The following CBLB variants were observed in gnomAD, a reference collection of about 807,000 sequenced individuals.
CBLB encodes E3 ubiquitin-protein ligase CBL-B.
In CBLB, 31 loss-of-function variants were observed where a neutral mutation model predicts 104.9. That is an observed-to-expected ratio of 0.30 (90% CI 0.22 to 0.40). The LOEUF (loss-of-function observed/expected upper bound fraction) is 0.40. Among genes scored for constraint, CBLB ranks in the 10% least tolerant of loss-of-function variants. The probability of loss-of-function intolerance (pLI) is 1.00; values close to 1 mark genes in which losing one functional copy is unlikely to be tolerated. For missense variants in CBLB, 1,062 were observed against 1,214.6 expected (o/e 0.87, Z 1.87); for synonymous variants, 440 against 422.6 (o/e 1.04, Z -0.51).
intron 3 of CBLB, among the ~76,000 whole-genome samples, chr3:105,788,841 C>A (rs1015033508): frequency 6.6e-6 from 1 of 152,140 alleles, no homozygotes; most frequent in African/African-American, 2.4e-5. Context: ...TGAGGCTAGG[C>A]ATTACAAAGT....
intron 10 of CBLB, 80 bp downstream of exon 10, chr3:105,719,967 G>A (rs1482227462): frequency 1.9e-6 from 2 of 1,074,812 alleles, no homozygotes; most frequent in Non-Finnish European, 2.9e-6. Flanking sequence ...AATACGCTGA[G>A]TCATACTCCA....
chr3:105,813,586 A>G (rs2084600289), intron 3 of CBLB, among the ~76,000 whole-genome samples: 1 of 152,136 alleles, frequency 6.6e-6, no homozygotes, highest in Non-Finnish European at 1.5e-5. Context: ...CTGGAAAGAA[A>G]ATAAAAATTA....
intron 2 of CBLB, among the ~76,000 whole-genome samples, chr3:105,856,348 CAAAAAAAAAAAAA>C (rs1169479720): frequency 3.2e-5 from 1 of 31,104 alleles, no homozygotes; most frequent in Non-Finnish European, 6.6e-5. Flanking sequence ...GACTCCATCT[CAAAAAAAAAAAAA>C]AAAAAAAGAA....
chr3:105,798,561 C>T (rs1364865068), intron 3 of CBLB, among the ~76,000 whole-genome samples: 2 of 152,126 alleles, frequency 1.3e-5, no homozygotes, highest in Non-Finnish European at 2.9e-5. Context: ...ATCATACAGA[C>T]CACAACAGAA....
intron 18 of CBLB, among the ~76,000 whole-genome samples, chr3:105,662,902 C>T (rs1276549814): frequency 1.3e-5 from 2 of 152,146 alleles, no homozygotes; most frequent in Non-Finnish European, 2.9e-5. Flanking sequence ...ATCAATACTA[C>T]AGTTACTATA....
chr3:105,779,180 A>C (rs190054112), intron 3 of CBLB, among the ~76,000 whole-genome samples: 2 of 152,158 alleles, frequency 1.3e-5, no homozygotes, highest in Non-Finnish European at 2.9e-5. Context: ...TACTTGTTAG[A>C]TCTAAAGTCT....
intron 3 of CBLB, among the ~76,000 whole-genome samples, chr3:105,777,513 A>C (rs1372121747): frequency 6.6e-6 from 1 of 152,198 alleles, no homozygotes; most frequent in Non-Finnish European, 1.5e-5. Context: ...CTATAGCCCC[A>C]GTTATTAGGG....
chr3:105,703,853 A>T, intron 11 of CBLB, 135 bp downstream of exon 11: 1 of 774,112 alleles, frequency 1.3e-6, no homozygotes, highest in Admixed American at 2.2e-5. Flanking sequence ...GCTCACCATA[A>T]ACTAAACGAG....
At chr3:105,829,072 ACAAT>A in intron 3 of CBLB, among the ~76,000 whole-genome samples, 1 of 152,202 alleles carries the variant, frequency 6.6e-6, no homozygotes, top group Middle Eastern at 3.4e-3. Context: ...AAATTCATTA[ACAAT>A]CAATTTTGTT....
At chr3:105,839,121 C>T (rs2089133563) in intron 3 of CBLB, among the ~76,000 whole-genome samples, 1 of 152,170 alleles carries the variant, frequency 6.6e-6, no homozygotes, top group African/African-American at 2.4e-5. Context: ...ACTGCTAGGG[C>T]ACTCTTTACC....
chr3:105,727,783 C>T (rs967679105), intron 9 of CBLB, among the ~76,000 whole-genome samples: 1 of 152,098 alleles, frequency 6.6e-6, no homozygotes, highest in Non-Finnish European at 1.5e-5. Context: ...TTCCCAACAC[C>T]GTTTATTAAA....
intron 3 of CBLB, among the ~76,000 whole-genome samples, chr3:105,807,230 C>T (rs942137259): frequency 3.9e-5 from 6 of 152,170 alleles, no homozygotes; most frequent in Non-Finnish European, 8.8e-5. Context: ...AGATTAGTCA[C>T]TTATTTTCTT....
At chr3:105,755,275 G>T (rs192884387) in intron 4 of CBLB, among the ~76,000 whole-genome samples, 5 of 151,934 alleles carry the variant, frequency 3.3e-5, no homozygotes, top group Admixed American at 1.3e-4. Context: ...GAGAATATGC[G>T]GTGGAAAAAC....
chr3:105,809,627 G>A (rs2061175083), intron 3 of CBLB, among the ~76,000 whole-genome samples: 1 of 152,120 alleles, frequency 6.6e-6, no homozygotes, highest in Admixed American at 6.6e-5. Flanking sequence ...TCTTTTTTAT[G>A]ATTGGTGGAG....
intron 3 of CBLB, among the ~76,000 whole-genome samples, chr3:105,833,492 C>T (rs2087902128): frequency 6.6e-6 from 1 of 151,790 alleles, no homozygotes; most frequent in African/African-American, 2.4e-5. Flanking sequence ...TTTTTTACAA[C>T]TCATTTGGCT....
intron 17 of CBLB, among the ~76,000 whole-genome samples, chr3:105,677,086 C>T (rs1256230698): frequency 6.6e-6 from 1 of 152,050 alleles, no homozygotes; most frequent in African/African-American, 2.4e-5. Context: ...CACTATACTT[C>T]CTGCTTGGAC....
intron 1 of CBLB, among the ~76,000 whole-genome samples, chr3:105,867,793 C>G (rs1186654531): frequency 6.6e-6 from 1 of 151,822 alleles, no homozygotes; most frequent in Non-Finnish European, 1.5e-5. Flanking sequence ...AGCAGTGATC[C>G]TAGATTTGCT....
At position 105,736,945 on chromosome 3, in the gene CBLB, A is replaced by T. The variant is rs565595048; in HGVS notation, c.1071+226T>A. On this transcript the variant is annotated intron_variant, in intron 8 of 18. Transcript: ENST00000394030. ...GCTTATGGATTTATTTATTTCCCCCATATAAATGCCAATACTATATGGAAA... is the reference window on the plus strand; with the variant it reads ...GCTTATGGATTTATTTATTTCCCCCTTATAAATGCCAATACTATATGGAAA... 2.6e-5 allele frequency among the ~76,000 whole-genome samples: 4 copies of T among 152,162 alleles called. No individual in the cohort carries two copies. The South Asian group carries it at 8.3e-4, about 32-fold the overall frequency.
intron 4 of CBLB, among the ~76,000 whole-genome samples, chr3:105,769,669 C>T (rs917823345): frequency 1.3e-5 from 2 of 152,086 alleles, no homozygotes; most frequent in Non-Finnish European, 2.9e-5. Flanking sequence ...GAAATATGAA[C>T]AGTATTGAGT....
Sources: allele counts gnomAD v4.1 joint callset (sites outside exome capture counted in the v4.1 genomes callset), GRCh38; gene constraint gnomAD v4.1.1; transcripts MANE v1.5; gene names NCBI Gene and HGNC (gene_info 2026-07-23, HGNC 2026-07-21).